RYR2: variants seen among roughly 807,000 people sequenced by gnomAD.
RYR2 encodes the protein ryanodine receptor 2.
In RYR2, 227 loss-of-function variants were observed where a neutral mutation model predicts 601.1. That is an observed-to-expected ratio of 0.38 (90% CI 0.34 to 0.42). The LOEUF (loss-of-function observed/expected upper bound fraction) is 0.42, where lower values mean the gene tolerates loss of function less well. RYR2 is among the 10% of genes least tolerant of loss of function. The pLI is 1.00. For missense variants in RYR2, 4,646 were observed against 6,156.5 expected (o/e 0.75, Z 8.21); for synonymous variants, 2,223 against 2,175.1 (o/e 1.02, Z -0.61).
intron 17 of RYR2, among the ~76,000 whole-genome samples, chr1:237,470,926 G>A (rs1208312057): frequency 6.6e-6 from 1 of 151,850 alleles, no homozygotes; most frequent in Non-Finnish European, 1.5e-5. Context: ...GAGAGAGAGA[G>A]ACAGAGAGAG....
chr1:237,709,796 A>T (rs1688678954), intron 70 of RYR2, among the ~76,000 whole-genome samples: 1 of 152,188 alleles, frequency 6.6e-6, no homozygotes, highest in African/African-American at 2.4e-5. Flanking sequence ...TTGGACTAAT[A>T]TTGACATTGC....
chr1:237,077,971 C>T (rs1665205457), intron 1 of RYR2, among the ~76,000 whole-genome samples: 1 of 89,776 alleles, frequency 1.1e-5, no homozygotes, highest in South Asian at 5.5e-4. Flanking sequence ...GATTAAGAAT[C>T]TCACTCAAAG....
chr1:237,369,285 A>G (rs1444699236), intron 5 of RYR2, among the ~76,000 whole-genome samples: 1 of 152,202 alleles, frequency 6.6e-6, no homozygotes, highest in Non-Finnish European at 1.5e-5. Flanking sequence ...TATAATTATG[A>G]TAATTATTTA....
At chr1:237,467,876 T>C (rs1460740824) in intron 16 of RYR2, among the ~76,000 whole-genome samples, 1 of 123,412 alleles carries the variant, frequency 8.1e-6, no homozygotes, top group Non-Finnish European at 1.8e-5. Context: ...TTTTTTTTTT[T>C]GAAACGGAGT....
intron 25 of RYR2, among the ~76,000 whole-genome samples, chr1:237,533,109 A>T (rs1668290129): frequency 6.6e-6 from 1 of 152,180 alleles, no homozygotes; most frequent in African/African-American, 2.4e-5. Flanking sequence ...TGTTGCTCTC[A>T]CAACGCAACA....
intron 2 of RYR2, among the ~76,000 whole-genome samples, chr1:237,300,267 A>G (rs1693218802): frequency 6.6e-6 from 1 of 151,992 alleles, no homozygotes. Context: ...TGGTTGAGGG[A>G]TGTTTAAATC....
At chr1:237,430,073 T>A (rs1280548144) in intron 12 of RYR2, among the ~76,000 whole-genome samples, 1 of 150,750 alleles carries the variant, frequency 6.6e-6, no homozygotes, top group Non-Finnish European at 1.5e-5. Context: ...TATTGTTATA[T>A]ATATTTCCAG....
At position 237,280,792 on chromosome 1, in the gene RYR2, T is replaced by TG. The variant is rs776226851; in HGVS notation, c.168+10176_168+10177insG. Among the ~76,000 whole-genome samples the TG allele has an allele frequency of 2.0e-3, 292 of 148,048 alleles. 1 individual carries two copies. Among genetic ancestry groups the TG allele is most frequent in the African/African-American group, 3.6e-3 (139 of 38,598 alleles). ...AATTCTTCTTACTGGTTTTTTTTTT[T>TG]TTTGTTTTCTGAGATGGAGTCTCAC... On this transcript the variant is annotated intron_variant, in intron 2 of 104. Transcript: ENST00000366574.
intron 1 of RYR2, among the ~76,000 whole-genome samples, chr1:237,114,121 T>C (rs1224258814): frequency 6.6e-6 from 1 of 152,206 alleles, no homozygotes; most frequent in East Asian, 1.9e-4. Flanking sequence ...TATAAGTTTA[T>C]ATCAAACCAT....
intron 1 of RYR2, among the ~76,000 whole-genome samples, chr1:237,222,503 A>G (rs1171967856): frequency 6.6e-6 from 1 of 151,940 alleles, no homozygotes; most frequent in African/African-American, 2.4e-5. Flanking sequence ...ATGGCTCTTC[A>G]AACATACTCC....
At chr1:237,388,627 G>A (rs568737325) in intron 10 of RYR2, among the ~76,000 whole-genome samples, 47 of 152,206 alleles carry the variant, frequency 3.1e-4, no homozygotes, top group African/African-American at 1.0e-3. Flanking sequence ...TGATAGAATT[G>A]ATCACTTTCT....
At chr1:237,547,777 C>G (rs1184755504) in intron 25 of RYR2, among the ~76,000 whole-genome samples, 1 of 152,184 alleles carries the variant, frequency 6.6e-6, no homozygotes, top group Admixed American at 6.5e-5. Context: ...CCTTCTCTCT[C>G]CAGCCTAGAA....
intron 14 of RYR2, among the ~76,000 whole-genome samples, chr1:237,447,460 C>G (rs1657507145): frequency 6.6e-6 from 1 of 152,150 alleles, no homozygotes; most frequent in African/African-American, 2.4e-5. Flanking sequence ...TATACACTTT[C>G]TGCTTTATTA....
intron 12 of RYR2, among the ~76,000 whole-genome samples, chr1:237,430,877 T>C (rs896842060): frequency 2.0e-5 from 3 of 152,228 alleles, no homozygotes; most frequent in African/African-American, 7.2e-5. Flanking sequence ...GGGCTCATAT[T>C]TGAGGACTTT....
chr1:237,050,774 T>A (rs377676672), intron 1 of RYR2, among the ~76,000 whole-genome samples: 3 of 152,154 alleles, frequency 2.0e-5, no homozygotes, highest in African/African-American at 7.2e-5. Context: ...TTGAGTCAAT[T>A]GGGATATTGT....
In RYR2 at chr1:237,730,493, A is replaced by C. The variant is rs529581369; in HGVS notation, c.10935+137A>C. ...GGGTATTAGGAAACTTTTAAATCTT[A>C]ATTGTTACTGCATTCAATGCTTATG... On this transcript the variant is annotated intron_variant, in intron 77 of 104. Transcript: ENST00000366574. 9 of 497,984 alleles carry C rather than the reference A, an allele frequency of 1.8e-5. No individual in the cohort carries two copies. In the East Asian group the frequency reaches 2.1e-4, roughly 12 times the overall value. 30.8% of individuals were successfully genotyped at this position (497,984 alleles called of 1,614,324 possible).
chr1:237,827,842 C>A (rs1663310656), intron 101 of RYR2, among the ~76,000 whole-genome samples: 1 of 140,974 alleles, frequency 7.1e-6, no homozygotes, highest in Non-Finnish European at 1.5e-5. Context: ...GAGGCTGAAG[C>A]AGGAGAATGG....
chr1:237,262,213 C>G (rs1288085880), intron 1 of RYR2, among the ~76,000 whole-genome samples: 1 of 113,792 alleles, frequency 8.8e-6, no homozygotes, highest in Non-Finnish European at 1.8e-5. Context: ...TCTGGCCTTT[C>G]TTCCATAAAT....
rs181549117 is a variant in RYR2, at chr1:237,222,230, C to T, written c.49-48267C>T. On this transcript the variant is annotated intron_variant, in intron 1 of 104. Transcript: ENST00000366574. ...GAGATCGAGACCATACTGGCTAACA[C>T]GGTGAAACCCCATCTCTACTAAAAT... Among the ~76,000 whole-genome samples, 51 of 152,086 alleles carry T rather than the reference C, an allele frequency of 3.4e-4. No individual in the cohort carries two copies. In the East Asian group the frequency reaches 9.1e-3, roughly 27 times the overall value.
Sources: gnomAD v4.1 joint callset for allele counts (sites outside exome capture counted in the v4.1 genomes callset) on GRCh38, gnomAD v4.1.1 for gene constraint, MANE v1.5 for transcripts, NCBI Gene and HGNC (gene_info 2026-07-23, HGNC 2026-07-21) for gene names.